SMOC2: variants seen among roughly 807,000 people sequenced by gnomAD.
SMOC2 encodes SPARC related modular calcium binding 2.
SMOC2 carries 39 observed loss-of-function variants against 61.4 expected under a neutral mutation model. The observed-to-expected ratio is 0.64, with a 90% CI of 0.49 to 0.83. The LOEUF (loss-of-function observed/expected upper bound fraction) is 0.83. Ranked by LOEUF, SMOC2 falls within the 40% of genes least tolerant of loss-of-function variation. SMOC2 has a pLI of 0.00. For missense variants in SMOC2, 556 were observed against 592.9 expected, an observed-to-expected ratio of 0.94 and a Z score of 0.65; for synonymous variants, 247 against 239.9, an observed-to-expected ratio of 1.03 and a Z score of -0.27.
intron 1 of SMOC2, among the ~76,000 whole-genome samples, chr6:168,494,191 A>G (rs985078075): frequency 1.3e-5 from 2 of 152,204 alleles, no homozygotes; most frequent in Non-Finnish European, 1.5e-5. Context: ...GAGTGCAAGC[A>G]TTCTTCATGA....
At chr6:168,622,467 T>TC in intron 9 of SMOC2, among the ~76,000 whole-genome samples, 1 of 151,776 alleles carries the variant, frequency 6.6e-6, no homozygotes, top group Non-Finnish European at 1.5e-5. Flanking sequence ...CTGGCAAGTC[T>TC]CCCCTTTGTT....
At chr6:168,547,525 T>A (rs904475174) in intron 6 of SMOC2, among the ~76,000 whole-genome samples, 1 of 151,838 alleles carries the variant, frequency 6.6e-6, no homozygotes, top group Admixed American at 6.6e-5. Context: ...TAGTTAGTGA[T>A]GAAATGACAA....
chr6:168,589,535 G>A (rs1785123884), intron 7 of SMOC2, among the ~76,000 whole-genome samples: 2 of 152,270 alleles, frequency 1.3e-5, no homozygotes, highest in Non-Finnish European at 2.9e-5. Context: ...GGAAAAGCTG[G>A]AAGCTGGAAC....
chr6:168,511,976 G>A (rs1176545809), intron 2 of SMOC2, among the ~76,000 whole-genome samples: 4 of 152,132 alleles, frequency 2.6e-5, no homozygotes, highest in Non-Finnish European at 5.9e-5. Flanking sequence ...ACATCTGAGG[G>A]CACAAGAGAG....
chr6:168,520,347 C>G (rs1189739604), intron 2 of SMOC2, among the ~76,000 whole-genome samples: 3 of 152,216 alleles, frequency 2.0e-5, no homozygotes, highest in African/African-American at 7.2e-5. Context: ...CCATGCCACT[C>G]TGAGGGCTAT....
At chr6:168,541,716 A>G (rs1783881589) in intron 4 of SMOC2, among the ~76,000 whole-genome samples, 1 of 152,218 alleles carries the variant, frequency 6.6e-6, no homozygotes, top group Admixed American at 6.5e-5. Context: ...ATCACGGAGC[A>G]GGTTATCAAG....
chr6:168,647,746 T>C (rs1019746058), intron 9 of SMOC2, among the ~76,000 whole-genome samples: 3 of 152,238 alleles, frequency 2.0e-5, no homozygotes, highest in African/African-American at 7.2e-5. Flanking sequence ...AGTTAGTTTT[T>C]TTCTTCTGAT....
At chr6:168,564,217 A>G (rs183837170) in intron 7 of SMOC2, among the ~76,000 whole-genome samples, 1 of 152,030 alleles carries the variant, frequency 6.6e-6, no homozygotes, top group African/African-American at 2.4e-5. Flanking sequence ...TCCTTACCAG[A>G]TTTATGATTC....
chr6:168,520,886 GTT>G (rs1783314393), intron 2 of SMOC2, among the ~76,000 whole-genome samples: 1 of 152,182 alleles, frequency 6.6e-6, no homozygotes, highest in African/African-American at 2.4e-5. Flanking sequence ...GAAGATCACT[GTT>G]TCTTGGCCCT....
At chr6:168,473,461 T>G (rs1583041407) in intron 1 of SMOC2, among the ~76,000 whole-genome samples, 1 of 152,274 alleles carries the variant, frequency 6.6e-6, no homozygotes, top group East Asian at 1.9e-4. Context: ...GGTGAGCCTG[T>G]GAAACGATAC....
At chr6:168,523,638 A>G (rs1783386579) in intron 2 of SMOC2, among the ~76,000 whole-genome samples, 1 of 151,568 alleles carries the variant, frequency 6.6e-6, no homozygotes, top group African/African-American at 2.4e-5. Context: ...TGACCTCGTG[A>G]TGCGCCCACC....
At chr6:168,576,425 G>A (rs1784806305) in intron 7 of SMOC2, among the ~76,000 whole-genome samples, 1 of 152,076 alleles carries the variant, frequency 6.6e-6, no homozygotes, top group Non-Finnish European at 1.5e-5. Context: ...GGCTGACATC[G>A]CAGATCACCT....
At chr6:168,458,402 G>A (rs1295366547) in intron 1 of SMOC2, among the ~76,000 whole-genome samples, 1 of 152,140 alleles carries the variant, frequency 6.6e-6, no homozygotes, top group Non-Finnish European at 1.5e-5. Context: ...CCTGCCCTGG[G>A]GGTCCTGGGC....
At chr6:168,517,266 G>A (rs1387645414) in intron 2 of SMOC2, among the ~76,000 whole-genome samples, 1 of 152,202 alleles carries the variant, frequency 6.6e-6, no homozygotes, top group East Asian at 1.9e-4. Context: ...GTGGGGTGGG[G>A]ACCACTCTGC....
At chr6:168,579,687 C>T (rs1324926258) in intron 7 of SMOC2, among the ~76,000 whole-genome samples, 2 of 152,132 alleles carry the variant, frequency 1.3e-5, no homozygotes, top group Admixed American at 1.3e-4. Flanking sequence ...AAGTTCCAGT[C>T]CTTGGGGGCA....
intron 1 of SMOC2, among the ~76,000 whole-genome samples, chr6:168,489,064 T>A (rs758144237): frequency 4.1e-5 from 6 of 147,748 alleles, no homozygotes; most frequent in Non-Finnish European, 8.9e-5. Context: ...GGGAAATATA[T>A]CGAATCATCT....
At chr6:168,579,281 T>G (rs945705258) in intron 7 of SMOC2, among the ~76,000 whole-genome samples, 15 of 152,250 alleles carry the variant, frequency 9.9e-5, no homozygotes, top group Non-Finnish European at 1.2e-4. Context: ...ATTTTTTCTT[T>G]TATCCACATG....
chr6:168,469,274 C>T (rs1290509383), intron 1 of SMOC2, among the ~76,000 whole-genome samples: 4 of 152,170 alleles, frequency 2.6e-5, no homozygotes, highest in Admixed American at 6.5e-5. Flanking sequence ...TGGGAAGGAG[C>T]GGTTTCAGTC....
At chr6:168,596,580 C>G (rs1315603652) in intron 7 of SMOC2, among the ~76,000 whole-genome samples, 2 of 152,244 alleles carry the variant, frequency 1.3e-5, no homozygotes, top group Non-Finnish European at 2.9e-5. Flanking sequence ...CCATCCTCAG[C>G]TGCTGCTCTC....
Sources: allele counts gnomAD v4.1 joint callset (sites outside exome capture counted in the v4.1 genomes callset), GRCh38; gene constraint gnomAD v4.1.1; transcripts MANE v1.5; gene names NCBI Gene and HGNC (gene_info 2026-07-23, HGNC 2026-07-21).